Variants in ROBO2 observed in about 807,000 individuals in gnomAD.
The protein encoded by ROBO2 is roundabout guidance receptor 2, also known as roundabout homolog 2.
ROBO2 carries 53 observed loss-of-function variants against 160.8 expected under a neutral mutation model. That is an observed-to-expected ratio of 0.33 (90% CI 0.26 to 0.41). ROBO2 has a LOEUF of 0.41. Among genes scored for constraint, ROBO2 ranks in the 10% least tolerant of loss-of-function variants. The pLI, the probability that ROBO2 is intolerant of heterozygous loss-of-function variation, is 1.00. For missense variants in ROBO2, 1,577 were observed against 1,722.4 expected, an observed-to-expected ratio of 0.92 and a Z score of 1.49; for synonymous variants, 664 against 611.7, an observed-to-expected ratio of 1.09 and a Z score of -1.26.
intron 2 of ROBO2, among the ~76,000 whole-genome samples, chr3:76,121,573 C>G (rs1364108662): frequency 6.6e-6 from 1 of 152,066 alleles, no homozygotes; most frequent in East Asian, 1.9e-4. Context: ...GTTAAAAAAG[C>G]TTATTTGGGA....
chr3:77,412,481 G>C (rs1560763721), intron 2 of ROBO2, among the ~76,000 whole-genome samples: 1 of 152,190 alleles, frequency 6.6e-6, no homozygotes, highest in African/African-American at 2.4e-5. Flanking sequence ...TCTACTGAAG[G>C]CACTGTATAA....
chr3:77,237,658 C>G (rs1189585646), intron 2 of ROBO2, among the ~76,000 whole-genome samples: 2 of 152,248 alleles, frequency 1.3e-5, no homozygotes. Flanking sequence ...ATGTCAGTTA[C>G]TTCGTAGTTT....
chr3:76,157,020 ATG>A (rs2072433553), intron 2 of ROBO2, among the ~76,000 whole-genome samples: 1 of 152,086 alleles, frequency 6.6e-6, no homozygotes, highest in Non-Finnish European at 1.5e-5. Context: ...TAATTAAAGT[ATG>A]TGTGTGGATA....
intron 2 of ROBO2, among the ~76,000 whole-genome samples, chr3:76,233,294 C>G (rs1009356371): frequency 6.6e-6 from 1 of 152,092 alleles, no homozygotes; most frequent in African/African-American, 2.4e-5. Flanking sequence ...CAGGCACTTG[C>G]CACCACACCC....
At chr3:76,241,739 C>T (rs1705297988) in intron 2 of ROBO2, among the ~76,000 whole-genome samples, 1 of 152,158 alleles carries the variant, frequency 6.6e-6, no homozygotes, top group African/African-American at 2.4e-5. Context: ...TATACTTTTG[C>T]TTCATTCAGT....
chr3:76,795,750 C>T (rs759501416), intron 2 of ROBO2, among the ~76,000 whole-genome samples: 1 of 152,100 alleles, frequency 6.6e-6, no homozygotes, highest in Non-Finnish European at 1.5e-5. Context: ...TCATGAGTCA[C>T]AAATATTCTT....
At chr3:77,584,426 T>C (rs2093991586) in intron 16 of ROBO2, among the ~76,000 whole-genome samples, 1 of 152,228 alleles carries the variant, frequency 6.6e-6, no homozygotes, top group Admixed American at 6.5e-5. Context: ...ATCTTCTTCC[T>C]AGAGTTTACA....
chr3:76,769,923 G>T (rs2061787821), intron 2 of ROBO2, among the ~76,000 whole-genome samples: 1 of 151,324 alleles, frequency 6.6e-6, no homozygotes, highest in South Asian at 2.1e-4. Flanking sequence ...CTGCATTCCT[G>T]CAGTCTCTCT....
intron 2 of ROBO2, among the ~76,000 whole-genome samples, chr3:77,426,476 G>A (rs957281287): frequency 1.3e-5 from 2 of 151,948 alleles, no homozygotes; most frequent in Non-Finnish European, 2.9e-5. Context: ...TAACAGATAA[G>A]GATTTGAATA....
intron 2 of ROBO2, among the ~76,000 whole-genome samples, chr3:76,812,884 A>T (rs1390139257): frequency 6.7e-6 from 1 of 150,158 alleles, no homozygotes; most frequent in African/African-American, 2.4e-5. Context: ...TCCTACAATA[A>T]AAGTGTCCTG....
intron 2 of ROBO2, among the ~76,000 whole-genome samples, chr3:76,839,455 G>C (rs922617565): frequency 6.6e-6 from 1 of 152,144 alleles, no homozygotes; most frequent in African/African-American, 2.4e-5. Context: ...CTGTTGATGT[G>C]ATGTACCACG....
At chr3:77,143,772 C>A (rs2076912740) in intron 2 of ROBO2, among the ~76,000 whole-genome samples, 1 of 151,992 alleles carries the variant, frequency 6.6e-6, no homozygotes. Context: ...TGCTATTCTT[C>A]CTGCATTTCT....
intron 2 of ROBO2, among the ~76,000 whole-genome samples, chr3:76,760,913 C>G (rs1188147202): frequency 6.6e-6 from 1 of 151,248 alleles, no homozygotes; most frequent in Non-Finnish European, 1.5e-5. Flanking sequence ...GTTCTACAAC[C>G]TTGTATCTTT....
chr3:76,334,603 T>C (rs967468265), intron 2 of ROBO2, among the ~76,000 whole-genome samples: 1 of 152,160 alleles, frequency 6.6e-6, no homozygotes, highest in African/African-American at 2.4e-5. Context: ...AAGAGTCACA[T>C]AGGCATAACA....
chr3:77,464,994 A>C (rs897652320), intron 2 of ROBO2, among the ~76,000 whole-genome samples: 1 of 152,184 alleles, frequency 6.6e-6, no homozygotes, highest in Non-Finnish European at 1.5e-5. Flanking sequence ...AATTTATTTC[A>C]AAAATTATCC....
intron 2 of ROBO2, among the ~76,000 whole-genome samples, chr3:77,336,934 T>A (rs571701325): frequency 2.5e-4 from 38 of 152,334 alleles, no homozygotes; most frequent in African/African-American, 8.7e-4. Context: ...ACTTTTGTTT[T>A]GCTAAATTCG....
At chr3:75,940,078 G>C (rs200899565) in intron 2 of ROBO2, among the ~76,000 whole-genome samples, 1 of 152,058 alleles carries the variant, frequency 6.6e-6, no homozygotes, top group Non-Finnish European at 1.5e-5. Flanking sequence ...ATAATAGTAT[G>C]AGTAAATTAT....
chr3:77,373,025 A>C (rs546564807), intron 2 of ROBO2, among the ~76,000 whole-genome samples: 29 of 150,250 alleles, frequency 1.9e-4, no homozygotes, highest in Non-Finnish European at 3.8e-4. Flanking sequence ...TTAAAATCAT[A>C]AGTGAGGAAA....
At chr3:77,173,476 G>A (rs955009049) in intron 2 of ROBO2, among the ~76,000 whole-genome samples, 9 of 151,978 alleles carry the variant, frequency 5.9e-5, no homozygotes, top group African/African-American at 1.4e-4. Context: ...CCCTTCATGT[G>A]TATGATGCAA....
Sources: gnomAD v4.1 joint callset for allele counts (sites outside exome capture counted in the v4.1 genomes callset) on GRCh38, gnomAD v4.1.1 for gene constraint, MANE v1.5 for transcripts, NCBI Gene and HGNC (gene_info 2026-07-23, HGNC 2026-07-21) for gene names.